The following MRPL46 variants were observed in gnomAD, a reference collection of about 807,000 sequenced individuals.
The protein encoded by MRPL46 is mitochondrial ribosomal protein L46, also known as large ribosomal subunit protein mL46.
Under a neutral mutation model 31.0 loss-of-function variants are expected in MRPL46, and 26 were observed. That is an observed-to-expected ratio of 0.84 (90% CI 0.61 to 1.16). The LOEUF (loss-of-function observed/expected upper bound fraction) is 1.16. Ranked by LOEUF, MRPL46 falls within the 50% of genes most tolerant of loss-of-function variation. MRPL46 has a pLI of 0.00. For synonymous variants in MRPL46, 159 were observed against 141.3 expected (o/e 1.13, Z -0.89); for missense variants, 395 against 340.0 (o/e 1.16, Z -1.27).
intron 3 of MRPL46, 24 bp from the exon 4 acceptor site, chr15:88,459,887 C>G: frequency 1.2e-6 from 2 of 1,613,158 alleles, no homozygotes; most frequent in Non-Finnish European, 1.7e-6. Flanking sequence ...AAAGAAAAAT[C>G]ACAATTGGAA....
At chr15:88,461,089 T>C (rs1431565914) in intron 3 of MRPL46, 6 of 152,204 alleles carry the variant, frequency 3.9e-5, no homozygotes, top group Admixed American at 6.5e-5. Flanking sequence ...TAAGATATTA[T>C]TTGAGAGGGC....
chr15:88,461,087 T>C (rs1017462905), intron 3 of MRPL46: 3 of 152,220 alleles, frequency 2.0e-5, no homozygotes, highest in African/African-American at 7.2e-5. Context: ...CTTAAGATAT[T>C]ATTTGAGAGG....
At chr15:88,460,854 G>C (rs1008746906) in intron 3 of MRPL46, 2 of 152,040 alleles carry the variant, frequency 1.3e-5, no homozygotes, top group African/African-American at 4.8e-5. Context: ...TCATGCCTCA[G>C]CCTCCTGAGT....
chr15:88,464,653 C>T, intron 3 of MRPL46, 50 bp downstream of exon 3: 1 of 1,565,094 alleles, frequency 6.4e-7, no homozygotes, highest in Admixed American at 1.7e-5. Context: ...AATCCTCTGG[C>T]TGAGTCTGAA....
Position 88,467,360 on chromosome 15 carries a change from C to A in MRPL46, c.18G>T (p.Arg6Ser). Residue 6 changes from arginine (R) to serine (S), a missense_variant, in exon 1 of 4, where the codon AGG becomes AGT. Physicochemically the swap from Arg to Ser is moderately radical, Grantham distance 110. Transcript: ENST00000312475. ...CCCCCGCCACCCCTAACAGCGTCCG[C>A]CTTACGGGCGCCGCCATCTTTCGTT... MAAPV[R>S]RTLLGVAGGW... 6.3e-7 allele frequency: 1 copy of A among 1,583,218 alleles called. No individual in the cohort carries two copies. Among genetic ancestry groups the A allele is most frequent in the East Asian group, 2.3e-5 (1 of 42,608 alleles).
chr15:88,464,953 C>A, intron 2 of MRPL46, 77 bp from the exon 3 acceptor site: 1 of 1,495,914 alleles, frequency 6.7e-7, no homozygotes, highest in Non-Finnish European at 9.0e-7. Context: ...TTACAATCTT[C>A]CTTTAAGATC....
chr15:88,459,608 G>A lies in MRPL46; in HGVS notation c.*5C>T, dbSNP rs111529644. 3.1e-6 allele frequency: 5 copies of A among 1,613,714 alleles called. No individual in the cohort carries two copies. The highest frequency in any genetic ancestry group is 4.2e-6 in the Non-Finnish European group (5 of 1,180,024). ...CTGAGCACCGTCCACAGGCAGCTCG[G>A]CCCATCAGAGGTCTGAAACAAACCT... On this transcript the variant is annotated 3_prime_UTR_variant, in exon 4 of 4. Coordinates refer to ENST00000312475, the MANE Select transcript of MRPL46 (RefSeq NM_022163.4).
chr15:88,459,510 G>T lies in MRPL46; in HGVS notation c.*103C>A. On this transcript the variant is annotated 3_prime_UTR_variant, in exon 4 of 4. Transcript: ENST00000312475. Reference sequence around the variant, plus strand: ...AGACTCGTTTATTTCTCAGAATTTAGTTTGCTGCTTGATATTACCTGCAAA... The same window carrying T: ...AGACTCGTTTATTTCTCAGAATTTATTTTGCTGCTTGATATTACCTGCAAA... 1 of 1,518,150 alleles carries T rather than the reference G, an allele frequency of 6.6e-7. No individual in the cohort carries two copies. 94.0% of individuals were successfully genotyped at this position (1,518,150 alleles called of 1,614,324 possible).
chr15:88,467,137 A>C lies in MRPL46; in HGVS notation c.228+13T>G, dbSNP rs144740042. 1.7e-4 allele frequency: 273 copies of C among 1,611,918 alleles called. 1 individual carries two copies. The African/African-American group carries it at 3.2e-3, about 19-fold the overall frequency. On this transcript the variant is annotated intron_variant, in intron 1 of 3. Coordinates refer to ENST00000312475, the MANE Select transcript of MRPL46 (RefSeq NM_022163.4). Reference sequence around the variant, plus strand: ...GAATAAACGTCACTCTGAACCCTGCATCTCAGTCCCACCTGCTGCAGTAGA... The same window carrying C: ...GAATAAACGTCACTCTGAACCCTGCCTCTCAGTCCCACCTGCTGCAGTAGA...
Position 88,465,761 on chromosome 15 carries a change from T to C in MRPL46, c.241A>G (p.Arg81Gly), listed in dbSNP as rs1252991856. The C allele has an allele frequency of 6.3e-7, 1 of 1,582,674 alleles. No individual in the cohort carries two copies. Among genetic ancestry groups the C allele is most frequent in the Non-Finnish European group, 8.5e-7 (1 of 1,170,366 alleles). Residue 81 changes from arginine (R) to glycine (G), a missense_variant, in exon 2 of 4, where the codon AGA (arginine) becomes GGA (glycine). Arg to Gly is a moderately radical substitution (Grantham distance 125). Coordinates refer to ENST00000312475, the MANE Select transcript of MRPL46 (RefSeq NM_022163.4). ...ASLLQQIEIE[R>G]SLYSDHELRA... ...AGCTCGTGGTCTGAATACAGGCTTC[T>C]CTCTATCTCAATCTGGGAAAATTCA...
intron 1 of MRPL46, 105 bp downstream of exon 1, chr15:88,467,045 C>T (rs1320430282): frequency 1.0e-5 from 13 of 1,292,778 alleles, no homozygotes; most frequent in East Asian, 2.4e-5. Context: ...AAGGTAGGTA[C>T]CATTCTGCGG....
intron 1 of MRPL46, among the ~76,000 whole-genome samples, chr15:88,466,705 TA>T (rs750789847): frequency 3.3e-5 from 5 of 152,208 alleles, no homozygotes; most frequent in African/African-American, 9.6e-5. Context: ...TCACAGCCAC[TA>T]CACTGTTTTT....
At chr15:88,461,633 T>C (rs546513579) in intron 3 of MRPL46, 1 of 152,338 alleles carries the variant, frequency 6.6e-6, no homozygotes, top group South Asian at 2.1e-4. Context: ...TTCACACATA[T>C]TTTGGAGGGG....
At chr15:88,466,769 G>A (rs527822636) in intron 1 of MRPL46, among the ~76,000 whole-genome samples, 6 of 152,172 alleles carry the variant, frequency 3.9e-5, no homozygotes, top group African/African-American at 1.4e-4. Flanking sequence ...AGATAAAACA[G>A]AGTAGGCTTA....
rs1475967665 is a variant in MRPL46, at chr15:88,467,340, G to A, written c.38C>T (p.Ala13Val). ...APVRRTLLGV[A>V]GGWRRFERLW... ...CCTCTCGAACCGCCGCCAACCCCCCGCCACCCCTAACAGCGTCCGCCTTAC... is the reference window on the plus strand; with the variant it reads ...CCTCTCGAACCGCCGCCAACCCCCCACCACCCCTAACAGCGTCCGCCTTAC... The change falls in exon 1 of 4, where the codon GCG becomes GTG. Residue 13 changes from alanine to valine, a missense_variant. Coordinates refer to ENST00000312475, the MANE Select transcript of MRPL46 (RefSeq NM_022163.4). 2 of 1,600,782 alleles carry A rather than the reference G, an allele frequency of 1.2e-6. No individual in the cohort carries two copies. The highest frequency in any genetic ancestry group is 1.1e-5 in the South Asian group (1 of 89,544).
chr15:88,464,682 A>G, intron 3 of MRPL46, 21 bp downstream of exon 3: 1 of 1,589,068 alleles, frequency 6.3e-7, no homozygotes, highest in Non-Finnish European at 8.6e-7. Context: ...TGTGGAATTT[A>G]GAGGAAGGCA....
At chr15:88,465,151 T>C (rs999083280) in intron 2 of MRPL46, 3 of 428,642 alleles carry the variant, frequency 7.0e-6, no homozygotes, top group African/African-American at 6.1e-5. Flanking sequence ...TCATACTAAT[T>C]CAAACACAAC....
At position 88,467,235 on chromosome 15, in the gene MRPL46, A is replaced by C; in HGVS notation, c.143T>G (p.Leu48Trp). The change falls in exon 1 of 4, where the codon TTG becomes TGG. Residue 48 changes from leucine to tryptophan, a missense_variant. Leu to Trp is a moderately conservative substitution (Grantham distance 61). Transcript: ENST00000312475. ...TGGCCGCTGCAGGCACAACGCGCCC[A>C]ACAAGCGCCATGGGGATCCGTTGCT... ...PSSNGSPWRL[L>W]GALCLQRPPV... The C allele has an allele frequency of 6.2e-7, 1 of 1,614,108 alleles. No individual in the cohort carries two copies. Among genetic ancestry groups the C allele is most frequent in the Non-Finnish European group, 8.5e-7 (1 of 1,180,016 alleles).
Position 88,459,495 on chromosome 15 carries a change from A to T in MRPL46, c.*118T>A. The T allele has an allele frequency of 1.4e-6, 2 of 1,468,384 alleles. No individual in the cohort carries two copies. The highest frequency in any genetic ancestry group is 2.6e-5 in the South Asian group (2 of 76,148). 91.0% of individuals were successfully genotyped at this position (1,468,384 alleles called of 1,614,324 possible). ...GACCAACACAGTAATAGACTCGTTTATTTCTCAGAATTTAGTTTGCTGCTT... is the reference window on the plus strand; with the variant it reads ...GACCAACACAGTAATAGACTCGTTTTTTTCTCAGAATTTAGTTTGCTGCTT... On this transcript the variant is annotated 3_prime_UTR_variant, in exon 4 of 4. Transcript: ENST00000312475.
Sources: allele counts gnomAD v4.1 joint callset (sites outside exome capture counted in the v4.1 genomes callset), GRCh38; gene constraint gnomAD v4.1.1; transcripts MANE v1.5; gene names NCBI Gene and HGNC (gene_info 2026-07-23, HGNC 2026-07-21).